AUTS2: variants seen among roughly 807,000 people sequenced by gnomAD.
AUTS2 encodes autism susceptibility gene 2 protein.
A neutral mutation model predicts 112.4 loss-of-function variants in AUTS2; 17 were observed. That is an observed-to-expected ratio of 0.15 (90% confidence interval 0.10 to 0.23). AUTS2 has a LOEUF of 0.23. Among genes scored for constraint, AUTS2 ranks in the 10% least tolerant of loss-of-function variants. The pLI, the probability that AUTS2 is intolerant of heterozygous loss-of-function variation, is 1.00. For synonymous variants in AUTS2, 751 were observed against 702.7 expected (o/e 1.07, Z -1.09); for missense variants, 1,510 against 1,701.6 (o/e 0.89, Z 1.98).
intron 4 of AUTS2, among the ~76,000 whole-genome samples, chr7:70,390,797 A>G (rs1793817478): frequency 6.6e-6 from 1 of 152,112 alleles, no homozygotes; most frequent in Non-Finnish European, 1.5e-5. Flanking sequence ...CATGTTCTAT[A>G]TGATATAGCC....
chr7:69,874,721 C>T (rs576947463), intron 1 of AUTS2, among the ~76,000 whole-genome samples: 10 of 152,100 alleles, frequency 6.6e-5, no homozygotes, highest in South Asian at 4.2e-4. Context: ...TGCAGTGACG[C>T]GATCTCGGCT....
At chr7:70,497,456 G>A (rs145362750) in intron 5 of AUTS2, among the ~76,000 whole-genome samples, 2 of 152,198 alleles carry the variant, frequency 1.3e-5, no homozygotes, top group African/African-American at 4.8e-5. Context: ...TTTCCCTTAC[G>A]TGTAACCATG....
intron 1 of AUTS2, among the ~76,000 whole-genome samples, chr7:69,619,766 G>T (rs754130850): frequency 6.6e-6 from 1 of 152,146 alleles, no homozygotes; most frequent in Admixed American, 6.5e-5. Context: ...GATAAAAACA[G>T]TGAACTAAAC....
rs577330429 is a variant in AUTS2, at chr7:70,546,439, G to A, written c.690+110658G>A. Among the ~76,000 whole-genome samples the A allele has an allele frequency of 3.3e-5, 5 of 151,422 alleles. No homozygotes were observed. The East Asian group carries it at 7.9e-4, about 24-fold the overall frequency. ...AGCCTAGGCAACAGAGTGAGACTCT[G>A]TCTCAAAACAAATCAAAAAATTTAA... On this transcript the variant is annotated intron_variant, in intron 5 of 18. Transcript: ENST00000342771.
chr7:70,238,823 CAG>C, intron 4 of AUTS2, among the ~76,000 whole-genome samples: 1 of 152,160 alleles, frequency 6.6e-6, no homozygotes, highest in East Asian at 1.9e-4. Flanking sequence ...CACTCATCAT[CAG>C]AGAGATGTGT....
chr7:70,555,882 G>A (rs993115365), intron 5 of AUTS2, among the ~76,000 whole-genome samples: 3 of 150,756 alleles, frequency 2.0e-5, no homozygotes, highest in Non-Finnish European at 2.9e-5. Flanking sequence ...TCGGCTCACT[G>A]CAACCTCTGC....
At chr7:70,730,703 G>A (rs139860699) in intron 6 of AUTS2, among the ~76,000 whole-genome samples, 69 of 152,226 alleles carry the variant, frequency 4.5e-4, no homozygotes, top group African/African-American at 1.4e-3. Flanking sequence ...TTTGAATAAT[G>A]CTGCCGTGAA....
At chr7:70,482,688 A>G (rs1023818460) in intron 5 of AUTS2, among the ~76,000 whole-genome samples, 2 of 152,200 alleles carry the variant, frequency 1.3e-5, no homozygotes, top group Non-Finnish European at 2.9e-5. Flanking sequence ...GACTCTGAAT[A>G]GAGTGCTTAT....
At chr7:69,609,193 G>C (rs865885301) in intron 1 of AUTS2, among the ~76,000 whole-genome samples, 1 of 152,174 alleles carries the variant, frequency 6.6e-6, no homozygotes, top group African/African-American at 2.4e-5. Flanking sequence ...TCTGCTTCTT[G>C]TAAGTTAGTA....
intron 4 of AUTS2, among the ~76,000 whole-genome samples, chr7:70,391,734 C>T (rs975476673): frequency 2.0e-5 from 3 of 152,180 alleles, no homozygotes; most frequent in African/African-American, 7.2e-5. Flanking sequence ...ACACCTACTA[C>T]GTGGCATACA....
chr7:70,126,482 G>C (rs1200272673), intron 3 of AUTS2, among the ~76,000 whole-genome samples: 1 of 152,146 alleles, frequency 6.6e-6, no homozygotes, highest in Non-Finnish European at 1.5e-5. Flanking sequence ...TGCCTGGGGG[G>C]AATAATTGGC....
intron 1 of AUTS2, among the ~76,000 whole-genome samples, chr7:69,847,115 AT>A (rs1792239479): frequency 6.6e-6 from 1 of 152,136 alleles, no homozygotes; most frequent in Non-Finnish European, 1.5e-5. Context: ...CAGTACATGC[AT>A]AATTGCTTTA....
At chr7:69,998,885 G>A (rs1292512143) in intron 2 of AUTS2, among the ~76,000 whole-genome samples, 1 of 152,152 alleles carries the variant, frequency 6.6e-6, no homozygotes, top group Non-Finnish European at 1.5e-5. Flanking sequence ...TAAGCAAATG[G>A]TTGCTGGAGG....
At chr7:70,052,009 T>C (rs1801776394) in intron 2 of AUTS2, among the ~76,000 whole-genome samples, 1 of 152,150 alleles carries the variant, frequency 6.6e-6, no homozygotes, top group South Asian at 2.1e-4. Context: ...GAGTGAAATT[T>C]GAAACTAGTG....
intron 5 of AUTS2, among the ~76,000 whole-genome samples, chr7:70,643,581 ATAAAG>A (rs753350000): frequency 3.9e-5 from 6 of 152,178 alleles, no homozygotes; most frequent in Non-Finnish European, 7.3e-5. Flanking sequence ...AAAAAATAAA[ATAAAG>A]TAAAAGTGTG....
chr7:70,707,717 G>A (rs1026201275), intron 6 of AUTS2, among the ~76,000 whole-genome samples: 3 of 152,164 alleles, frequency 2.0e-5, no homozygotes, highest in Non-Finnish European at 2.9e-5. Context: ...GGCCAGAGTC[G>A]CCATAGTTAC....
chr7:69,801,415 T>C (rs1158805581), intron 1 of AUTS2, among the ~76,000 whole-genome samples: 1 of 150,940 alleles, frequency 6.6e-6, no homozygotes, highest in East Asian at 1.9e-4. Context: ...GATGGTCTTA[T>C]TGATATACCA....
chr7:70,763,265 G>C lies in AUTS2; in HGVS notation c.1138G>C (p.Ala380Pro). 6.2e-7 allele frequency: 1 copy of C among 1,613,176 alleles called. No individual in the cohort carries two copies. The highest frequency in any genetic ancestry group is 1.1e-5 in the South Asian group (1 of 90,892). ...LLHQNLPPVQ[A>P]HPSAQSLSQP... ...CCATCAGAACCTCCCACCTGTGCAG[G>C]CCCACCCCTCTGCTCAGAGCCTCTC... The change falls in exon 7 of 19, where the codon GCC (alanine) becomes CCC (proline). Residue 380 changes from alanine to proline, a missense_variant. Transcript: ENST00000342771.
chr7:69,736,208 C>T (rs1021541803), intron 1 of AUTS2, among the ~76,000 whole-genome samples: 2 of 152,090 alleles, frequency 1.3e-5, no homozygotes, highest in Non-Finnish European at 2.9e-5. Flanking sequence ...GATCCATGCC[C>T]CATCCTTCCT....
Sources: gnomAD v4.1 joint callset for allele counts (sites outside exome capture counted in the v4.1 genomes callset) on GRCh38, gnomAD v4.1.1 for gene constraint, MANE v1.5 for transcripts, NCBI Gene and HGNC (gene_info 2026-07-23, HGNC 2026-07-21) for gene names.